TIAM2: variants seen among roughly 807,000 people sequenced by gnomAD.
TIAM2 encodes TIAM Rac1 associated GEF 2, also known as rho guanine nucleotide exchange factor TIAM2.
Under a neutral mutation model 152.9 loss-of-function variants are expected in TIAM2, and 80 were observed. The ratio of observed to expected loss-of-function variants is 0.52; its 90% confidence interval spans 0.44 to 0.63. The LOEUF (loss-of-function observed/expected upper bound fraction) is 0.63, where lower values mean the gene tolerates loss of function less well. Among genes scored for constraint, TIAM2 ranks in the 30% least tolerant of loss-of-function variants. TIAM2 has a pLI of 0.00. For synonymous variants in TIAM2, 804 were observed against 838.0 expected (o/e 0.96, Z 0.70); for missense variants, 1,965 against 2,120.1 (o/e 0.93, Z 1.44).
intron 4 of TIAM2, among the ~76,000 whole-genome samples, chr6:155,132,068 A>C (rs916490950): frequency 2.0e-5 from 3 of 151,764 alleles, no homozygotes; most frequent in Non-Finnish European, 4.4e-5. Context: ...ACCAGGAAGA[A>C]AAGTGATAGT....
At chr6:155,219,112 G>A (rs1014110851) in intron 15 of TIAM2, among the ~76,000 whole-genome samples, 2 of 151,970 alleles carry the variant, frequency 1.3e-5, no homozygotes, top group African/African-American at 4.8e-5. Context: ...AGTGTCAGTG[G>A]TCAACTTCTC....
intron 2 of TIAM2, among the ~76,000 whole-genome samples, chr6:155,110,549 C>T (rs996181254): frequency 6.6e-6 from 1 of 152,088 alleles, no homozygotes; most frequent in Non-Finnish European, 1.5e-5. Context: ...TTACCCTAAC[C>T]TATGTGATAA....
rs1018806192 is a variant in TIAM2, at chr6:155,218,455, C to A, written c.3168+7148C>A. On this transcript the variant is annotated intron_variant, in intron 15 of 26. Coordinates refer to ENST00000682666, the MANE Select transcript of TIAM2 (RefSeq NM_012454.4). This position sits in a 1 kb window ranked among gnomAD's most constrained non-coding sequence, Gnocchi z 4.5. ...AAACCTGAATTTGTATTCCCATCCA[C>A]CATGCCTTATCATTATGTGACCTGG... 6.6e-6 allele frequency among the ~76,000 whole-genome samples: 1 copy of A among 152,182 alleles called. No individual in the cohort carries two copies. The highest frequency in any genetic ancestry group is 6.5e-5 in the Admixed American group (1 of 15,270).
chr6:155,178,565 A>AGTAT (rs1780814865), intron 10 of TIAM2, among the ~76,000 whole-genome samples: 1 of 151,288 alleles, frequency 6.6e-6, no homozygotes, highest in Non-Finnish European at 1.5e-5. Context: ...TTTGCATACA[A>AGTAT]GTATTTATTT....
At chr6:155,050,475 C>G (rs1164394192) in intron 1 of TIAM2, among the ~76,000 whole-genome samples, 4 of 152,204 alleles carry the variant, frequency 2.6e-5, no homozygotes, top group African/African-American at 9.6e-5. Flanking sequence ...ATGTCACCAT[C>G]TCAAAAAATT....
At chr6:155,210,830 A>G (rs966915447) in intron 14 of TIAM2, among the ~76,000 whole-genome samples, 14 of 152,262 alleles carry the variant, frequency 9.2e-5, no homozygotes, top group Non-Finnish European at 1.5e-4. Context: ...GCCTTCACTT[A>G]GCCAAAAACA....
rs555203368 is a variant in TIAM2 at position 155,213,819 on chromosome 6, G to A, written c.3168+2512G>A. Among the ~76,000 whole-genome samples the A allele has an allele frequency of 1.1e-4, 16 of 152,354 alleles. No homozygotes were observed. The highest frequency in any genetic ancestry group is 9.6e-4 in the East Asian group (5 of 5,184). On this transcript the variant is annotated intron_variant, in intron 15 of 26. Coordinates refer to ENST00000682666, the MANE Select transcript of TIAM2 (RefSeq NM_012454.4). This position sits in a 1 kb window ranked among gnomAD's most constrained non-coding sequence, Gnocchi z 4.2. Reference sequence around the variant, plus strand: ...TACAGCAGGGGGCTGGCATGTCAGCGCTGCCCTGAACGTGTCCACACATGG... The same window carrying A: ...TACAGCAGGGGGCTGGCATGTCAGCACTGCCCTGAACGTGTCCACACATGG...
intron 2 of TIAM2, among the ~76,000 whole-genome samples, chr6:155,107,463 G>T (rs758810837): frequency 1.8e-4 from 27 of 152,084 alleles, no homozygotes; most frequent in Non-Finnish European, 3.2e-4. Context: ...TTTCCTGATG[G>T]TCTCAAGAAA....
At chr6:155,173,199 G>GTGTCTGTGTCTGTC (rs1554237256) in intron 9 of TIAM2, among the ~76,000 whole-genome samples, 3 of 149,656 alleles carry the variant, frequency 2.0e-5, no homozygotes, top group African/African-American at 7.5e-5. Flanking sequence ...GTGTGTGTGT[G>GTGTCTGTGTCTGTC]TGTCTGTCTG....
At chr6:155,188,622 T>C (rs372996669) in intron 14 of TIAM2, among the ~76,000 whole-genome samples, 4 of 152,348 alleles carry the variant, frequency 2.6e-5, no homozygotes, top group East Asian at 1.9e-4. Context: ...ATTGAAGGGA[T>C]TGGACAGGCC....
intron 2 of TIAM2, among the ~76,000 whole-genome samples, chr6:155,117,007 A>C (rs892446976): frequency 1.1e-4 from 16 of 151,790 alleles, no homozygotes; most frequent in African/African-American, 3.9e-4. Context: ...GACTTGAAGT[A>C]GACGGGGGAG....
At chr6:155,082,543 G>A (rs754344823) in intron 1 of TIAM2, among the ~76,000 whole-genome samples, 20 of 151,584 alleles carry the variant, frequency 1.3e-4, no homozygotes, top group Non-Finnish European at 2.9e-4. Context: ...TCAGCTACTC[G>A]GGAGGCTAAG....
chr6:155,000,867 C>T (rs190884694), intron 1 of TIAM2, among the ~76,000 whole-genome samples: 150 of 152,206 alleles, frequency 9.9e-4, no homozygotes, highest in African/African-American at 3.3e-3. Context: ...ATCTGTAGTC[C>T]GAGCTACTCG....
At chr6:155,161,532 G>A (rs1346895476) in intron 7 of TIAM2, among the ~76,000 whole-genome samples, 4 of 151,738 alleles carry the variant, frequency 2.6e-5, no homozygotes, top group East Asian at 3.9e-4. Flanking sequence ...CCAACCTGTG[G>A]TGATTGGCAT....
rs1782925263 is a variant in TIAM2, at chr6:155,239,461, G to A, written c.3169-1069G>A. On this transcript the variant is annotated intron_variant, in intron 15 of 26. Coordinates refer to ENST00000682666, the MANE Select transcript of TIAM2 (RefSeq NM_012454.4). ...TGAAGTGGGGTGGAGATGTGAGGGT[G>A]GAATGGAAAGAATGAGAAGTAAAAG... Among the ~76,000 whole-genome samples the A allele has an allele frequency of 3.3e-5, 5 of 152,176 alleles. No homozygotes were observed. In the South Asian group the frequency reaches 1.0e-3, roughly 32 times the overall value.
Position 155,148,295 on chromosome 6 carries a change from G to A in TIAM2, c.1989G>A (p.Val663=). 1 of 1,612,242 alleles carries A rather than the reference G, an allele frequency of 6.2e-7. No individual in the cohort carries two copies. Among genetic ancestry groups the A allele is most frequent in the South Asian group, 1.1e-5 (1 of 90,980 alleles). The change falls in exon 7 of 27, where the codon GTG becomes GTA. Residue 663 remains valine, a synonymous_variant. Transcript: ENST00000682666. ...MKKMAELQLS[V]VSDPKNRKAI... is the part of the protein sequence containing the mutation. ...AGATGGCAGAGCTGCAGCTGTCCGT[G>A]GTGAGCGACCCAAAGAACAGGAAAG...
At position 155,073,159 on chromosome 6, in the gene TIAM2, C is replaced by CTTTT. The variant is rs34459359; in HGVS notation, c.-208-17111_-208-17108dup. On this transcript the variant is annotated intron_variant, in intron 1 of 26. Coordinates refer to ENST00000682666, the MANE Select transcript of TIAM2 (RefSeq NM_012454.4). ...TTTCTTGCTTCAGATTGATTAAGTT[C>CTTTT]TTTTTTTTTTTTTTTTTTTTTTAGA... 7.9e-4 allele frequency among the ~76,000 whole-genome samples: 83 copies of CTTTT among 105,282 alleles called. 1 individual carries two copies. The highest frequency in any genetic ancestry group is 1.1e-3 in the Non-Finnish European group (60 of 54,760). 69.1% of individuals were successfully genotyped at this position (105,282 alleles called of 152,430 possible).
chr6:155,148,241 G>C lies in TIAM2; in HGVS notation c.1935G>C (p.Gln645His). ...LLKNQTKNLL[Q>H]KIDMDSKMKK... ...AGAACCAGACCAAAAACCTGCTTCA[G>C]AAGATAGACATGGACAGCAAGATGA... Residue 645 changes from glutamine to histidine, a missense_variant, in exon 7 of 27, where the codon CAG becomes CAC. Gln to His is a conservative substitution (Grantham distance 24). Transcript: ENST00000682666. 6.2e-7 allele frequency: 1 copy of C among 1,612,932 alleles called. No homozygotes were observed. The highest frequency in any genetic ancestry group is 8.5e-7 in the Non-Finnish European group (1 of 1,180,014).
intron 1 of TIAM2, among the ~76,000 whole-genome samples, chr6:155,079,356 C>A (rs1189843015): frequency 1.3e-5 from 2 of 152,232 alleles, no homozygotes. Flanking sequence ...GCCTCCTCGC[C>A]TGGACCCAGA....
Sources: allele counts gnomAD v4.1 joint callset (sites outside exome capture counted in the v4.1 genomes callset), GRCh38; gene constraint gnomAD v4.1.1; non-coding constraint Gnocchi (gnomAD v3.1); transcripts MANE v1.5; gene names NCBI Gene and HGNC (gene_info 2026-07-23, HGNC 2026-07-21).